Variants in LHFPL3 observed in about 807,000 individuals in gnomAD.
LHFPL3 encodes LHFPL tetraspan subfamily member 3 protein.
Under a neutral mutation model 19.3 loss-of-function variants are expected in LHFPL3, and 5 were observed. The observed-to-expected ratio is 0.26, with a 90% CI of 0.14 to 0.54. The LOEUF (loss-of-function observed/expected upper bound fraction) is 0.54. Ranked by LOEUF, LHFPL3 falls within the 20% of genes least tolerant of loss-of-function variation. LHFPL3 has a pLI of 0.94. For synonymous variants in LHFPL3, 133 were observed against 126.2 expected, an observed-to-expected ratio of 1.05 and a Z score of -0.36; for missense variants, 249 against 307.4, an observed-to-expected ratio of 0.81 and a Z score of 1.42.
chr7:104,559,223 A>G (rs1167316111), intron 1 of LHFPL3, among the ~76,000 whole-genome samples: 1 of 132,256 alleles, frequency 7.6e-6, no homozygotes, highest in Non-Finnish European at 1.6e-5. Context: ...GAAGAAAGTC[A>G]TTGGTAGCTT....
chr7:104,488,471 C>G (rs1260173298), intron 1 of LHFPL3, among the ~76,000 whole-genome samples: 1 of 152,094 alleles, frequency 6.6e-6, no homozygotes, highest in African/African-American at 2.4e-5. Context: ...ATCTGGTCCA[C>G]TTGATTTTTG....
At chr7:104,445,559 G>A (rs1792315293) in intron 1 of LHFPL3, among the ~76,000 whole-genome samples, 1 of 152,112 alleles carries the variant, frequency 6.6e-6, no homozygotes, top group African/African-American at 2.4e-5. Flanking sequence ...CTTGAGAAAT[G>A]GTGCCTGTCC....
At chr7:104,619,178 A>G (rs1791400236) in intron 1 of LHFPL3, among the ~76,000 whole-genome samples, 1 of 152,222 alleles carries the variant, frequency 6.6e-6, no homozygotes, top group Non-Finnish European at 1.5e-5. Context: ...CCAGTTTATC[A>G]TATTCACATA....
intron 2 of LHFPL3, chr7:104,759,835 G>A (rs576904277): frequency 3.4e-4 from 52 of 152,324 alleles, no homozygotes; most frequent in African/African-American, 1.2e-3. Context: ...GTGAGGAAAG[G>A]AGATGATTCT....
chr7:104,843,831 A>G lies in LHFPL3; in HGVS notation c.683-62356A>G, dbSNP rs190412795. Among the ~76,000 whole-genome samples, 249 of 152,348 alleles carry G rather than the reference A, an allele frequency of 1.6e-3. 2 individuals are homozygous for G. Among genetic ancestry groups the G allele is most frequent in the African/African-American group, 5.7e-3 (239 of 41,582 alleles). ...GGGAAGGAATTGGGTGTCCAGAAGGAGAGGACAAGCCATTAATCTGAGTTT... is the reference window on the plus strand; with the variant it reads ...GGGAAGGAATTGGGTGTCCAGAAGGGGAGGACAAGCCATTAATCTGAGTTT... On this transcript the variant is annotated intron_variant, in intron 2 of 2. Coordinates refer to ENST00000424859, the MANE Select transcript of LHFPL3 (RefSeq NM_199000.3).
At chr7:104,876,965 T>C (rs1791957090) in intron 2 of LHFPL3, among the ~76,000 whole-genome samples, 1 of 152,292 alleles carries the variant, frequency 6.6e-6, no homozygotes. Flanking sequence ...GATGAGTTCA[T>C]GTCCTTTGTA....
At chr7:104,407,680 T>C (rs1225449777) in intron 1 of LHFPL3, among the ~76,000 whole-genome samples, 1 of 152,184 alleles carries the variant, frequency 6.6e-6, no homozygotes, top group African/African-American at 2.4e-5. Context: ...AGAGAGAACC[T>C]TTTTGGTGTC....
intron 1 of LHFPL3, among the ~76,000 whole-genome samples, chr7:104,585,480 A>AACAC (rs57028058): frequency 0.028 from 3,495 of 123,422 alleles, 129 homozygotes; most frequent in African/African-American, 0.047. Flanking sequence ...AACACACACA[A>AACAC]ACACACACAC....
intron 1 of LHFPL3, among the ~76,000 whole-genome samples, chr7:104,416,970 G>A (rs370430544): frequency 1.3e-5 from 2 of 152,302 alleles, no homozygotes; most frequent in African/African-American, 2.4e-5. Context: ...CAATAACAGC[G>A]TTAATCAATT....
chr7:104,493,441 T>C (rs1793396559), intron 1 of LHFPL3, among the ~76,000 whole-genome samples: 1 of 151,938 alleles, frequency 6.6e-6, no homozygotes, highest in Non-Finnish European at 1.5e-5. Context: ...TAAATTTCAG[T>C]GCTCATCCTC....
At chr7:104,354,125 A>G (rs1308112496) in intron 1 of LHFPL3, among the ~76,000 whole-genome samples, 1 of 151,994 alleles carries the variant, frequency 6.6e-6, no homozygotes, top group Non-Finnish European at 1.5e-5. Context: ...CTATAGATTT[A>G]TTTCTCTTGT....
chr7:104,369,439 A>G (rs569613103), intron 1 of LHFPL3, among the ~76,000 whole-genome samples: 1 of 152,334 alleles, frequency 6.6e-6, no homozygotes, highest in East Asian at 1.9e-4. Context: ...TTTTTATTGT[A>G]TAAACACAGC....
intron 1 of LHFPL3, among the ~76,000 whole-genome samples, chr7:104,338,309 C>T (rs1406335050): frequency 6.6e-6 from 1 of 151,964 alleles, no homozygotes; most frequent in Non-Finnish European, 1.5e-5. Flanking sequence ...CCGTATTAGC[C>T]AGGATGGTCT....
At chr7:104,720,200 C>T (rs936589538) in intron 1 of LHFPL3, among the ~76,000 whole-genome samples, 30 of 152,102 alleles carry the variant, frequency 2.0e-4, no homozygotes, top group African/African-American at 7.2e-4. Flanking sequence ...GATATATAGA[C>T]CAATGGAACA....
chr7:104,580,209 G>C (rs1428549199), intron 1 of LHFPL3, among the ~76,000 whole-genome samples: 1 of 152,168 alleles, frequency 6.6e-6, no homozygotes, highest in Non-Finnish European at 1.5e-5. Context: ...TCCCTCTGGA[G>C]TGTTGATGTA....
At chr7:104,822,685 G>A (rs1790698521) in intron 2 of LHFPL3, among the ~76,000 whole-genome samples, 1 of 152,154 alleles carries the variant, frequency 6.6e-6, no homozygotes, top group South Asian at 2.1e-4. Flanking sequence ...GCTGGCAGTG[G>A]CCTGTCAGCA....
At chr7:104,398,787 G>A (rs946725912) in intron 1 of LHFPL3, among the ~76,000 whole-genome samples, 11 of 152,116 alleles carry the variant, frequency 7.2e-5, no homozygotes, top group African/African-American at 2.7e-4. Flanking sequence ...TCACTCTTCT[G>A]TTCTTCGCTG....
At chr7:104,448,272 T>C (rs2116595617) in intron 1 of LHFPL3, among the ~76,000 whole-genome samples, 1 of 152,312 alleles carries the variant, frequency 6.6e-6, no homozygotes, top group African/African-American at 2.4e-5. Flanking sequence ...TTCTTCAGTG[T>C]CTAGTTTATT....
At position 104,669,615 on chromosome 7, in the gene LHFPL3, C is replaced by T. The variant is rs1792432311; in HGVS notation, c.446-67060C>T. 1.8e-5 allele frequency: 28 copies of T among 1,578,402 alleles called. No individual in the cohort carries two copies. In the South Asian group the frequency reaches 2.9e-4, roughly 16 times the overall value. On this transcript the variant is annotated intron_variant, in intron 1 of 2. Transcript: ENST00000424859. ...GTGCTTTTCTCCTAGTTTCTCTCCA[C>T]CCTGGAACATTCGAGAGCAAATCAA...
Sources: gnomAD v4.1 joint callset for allele counts (sites outside exome capture counted in the v4.1 genomes callset) on GRCh38, gnomAD v4.1.1 for gene constraint, MANE v1.5 for transcripts, NCBI Gene and HGNC (gene_info 2026-07-23, HGNC 2026-07-21) for gene names.